NR2C2: variants seen among roughly 807,000 people sequenced by gnomAD.
NR2C2 encodes the protein nuclear receptor subfamily 2 group C member 2.
A neutral mutation model predicts 62.9 loss-of-function variants in NR2C2; 6 were observed. The observed-to-expected ratio is 0.10, with a 90% confidence interval of 0.05 to 0.19. The LOEUF is 0.19. Among genes scored for constraint, NR2C2 ranks in the 10% least tolerant of loss-of-function variants. The pLI is 1.00. For missense variants in NR2C2, 479 were observed against 762.7 expected, an observed-to-expected ratio of 0.63 and a Z score of 4.38; for synonymous variants, 272 against 273.8, an observed-to-expected ratio of 0.99 and a Z score of 0.07.
chr3:14,947,804 G>T lies in NR2C2; in HGVS notation c.-142G>T. ...GGCCCCCGGGCTCCCGCCATCCGCC[G>T]ACACCGGGAGCCCGGGCTCCCCGCG... On this transcript the variant is annotated 5_prime_UTR_variant, in exon 1 of 14. Coordinates refer to ENST00000425241, the MANE Select transcript of NR2C2 (RefSeq NM_001291694.2). 6.8e-6 allele frequency: 1 copy of T among 147,992 alleles called. No individual in the cohort carries two copies. Among genetic ancestry groups the T allele is most frequent in the South Asian group, 2.2e-4 (1 of 4,646 alleles). The allele number at this position is 147,992 out of a possible 1,614,324, so 9.2% of individuals were successfully genotyped here.
Position 15,039,113 on chromosome 3 carries a change from T to C in NR2C2, c.1511-9T>C. 1.2e-6 allele frequency: 2 copies of C among 1,609,148 alleles called. No individual in the cohort carries two copies. Among genetic ancestry groups the C allele is most frequent in the Non-Finnish European group, 1.7e-6 (2 of 1,175,592 alleles). Reference sequence around the variant, plus strand: ...AGGGAACTGGGGGGGGGTACTTTTCTGTTTTCAGATCATCCAGGTTTGACC... The same window carrying C: ...AGGGAACTGGGGGGGGGTACTTTTCCGTTTTCAGATCATCCAGGTTTGACC... On this transcript the variant is annotated splice_polypyrimidine_tract_variant and intron_variant, in intron 12 of 13. Coordinates refer to ENST00000425241, the MANE Select transcript of NR2C2 (RefSeq NM_001291694.2).
chr3:14,994,663 A>C (rs931700732), intron 1 of NR2C2, among the ~76,000 whole-genome samples: 13 of 151,124 alleles, frequency 8.6e-5, no homozygotes, highest in Non-Finnish European at 1.8e-4. Context: ...GGATGGTCTC[A>C]ATCTGTTGAC....
chr3:15,028,514 A>G, intron 7 of NR2C2, 72 bp from the exon 8 acceptor site: 1 of 1,493,736 alleles, frequency 6.7e-7, no homozygotes, highest in South Asian at 1.2e-5. Flanking sequence ...AACCAGCATT[A>G]TAACTTCATT....
Position 14,955,893 on chromosome 3 carries a change from A to C in NR2C2, c.-40+7987A>C, listed in dbSNP as rs556389918. On this transcript the variant is annotated intron_variant, in intron 1 of 13. Transcript: ENST00000425241. Reference sequence around the variant, plus strand: ...GTAGAACTGCTCTGATACTATAAATATGTAAGAACTTCATTTATGTGAAAG... The same window carrying C: ...GTAGAACTGCTCTGATACTATAAATCTGTAAGAACTTCATTTATGTGAAAG... 1.4e-3 allele frequency among the ~76,000 whole-genome samples: 214 copies of C among 152,322 alleles called. 1 individual carries two copies. The highest frequency in any genetic ancestry group is 5.0e-3 in the African/African-American group (207 of 41,572).
intron 1 of NR2C2, among the ~76,000 whole-genome samples, chr3:14,952,117 A>G (rs1039527562): frequency 4.6e-5 from 7 of 152,218 alleles, no homozygotes; most frequent in African/African-American, 1.7e-4. Flanking sequence ...AGCTTGGGCT[A>G]TGAAGGCAGA....
intron 2 of NR2C2, among the ~76,000 whole-genome samples, chr3:15,008,354 T>C (rs988775524): frequency 3.3e-5 from 5 of 151,786 alleles, no homozygotes; most frequent in Admixed American, 2.6e-4. Context: ...AGACGTCATC[T>C]CTATAAAAAA....
intron 1 of NR2C2, among the ~76,000 whole-genome samples, chr3:14,966,925 A>G (rs565588585): frequency 1.3e-5 from 2 of 152,354 alleles, no homozygotes; most frequent in Non-Finnish European, 2.9e-5. Context: ...GAAATTGTTT[A>G]TAAAGAATTG....
intron 1 of NR2C2, among the ~76,000 whole-genome samples, chr3:14,988,564 C>A (rs1419737307): frequency 6.6e-6 from 1 of 152,236 alleles, no homozygotes; most frequent in Non-Finnish European, 1.5e-5. Flanking sequence ...AGTCTTGGAA[C>A]TTTTTGCTTC....
intron 1 of NR2C2, among the ~76,000 whole-genome samples, chr3:14,977,149 G>A (rs926547873): frequency 5.9e-5 from 9 of 151,728 alleles, no homozygotes; most frequent in Non-Finnish European, 1.2e-4. Flanking sequence ...ATTTCCTCTC[G>A]TTTTCTCTTG....
rs1202809900 is a variant in NR2C2, at chr3:15,016,207, G to A, written c.329G>A (p.Arg110Gln). 2.0e-5 allele frequency: 32 copies of A among 1,613,988 alleles called. No individual in the cohort carries two copies. Among genetic ancestry groups the A allele is most frequent in the East Asian group, 6.7e-5 (3 of 44,900 alleles). ...ERLLGKTDVQRPQVVEYCVVC... is the reference protein window; with the variant it reads ...ERLLGKTDVQQPQVVEYCVVC... ...TTACTGGGGAAGACGGACGTCCAGC[G>A]GCCCCAGGTGGTAGAGTACTGTGTG... is the stretch of plus-strand genomic sequence containing the variant. Residue 110 changes from arginine to glutamine, a missense_variant, in exon 4 of 14, where the codon CGG (arginine) becomes CAG (glutamine). This residue lies in a region of NR2C2 where 115 missense variants were observed against 152.3 expected (regional missense o/e 0.76). Transcript: ENST00000425241.
At chr3:14,987,194 C>T (rs2125350756) in intron 1 of NR2C2, among the ~76,000 whole-genome samples, 1 of 152,268 alleles carries the variant, frequency 6.6e-6, no homozygotes, top group East Asian at 1.9e-4. Flanking sequence ...GCAATCCTCC[C>T]ACCTCAGCCT....
intron 1 of NR2C2, among the ~76,000 whole-genome samples, chr3:14,973,292 CAT>C (rs1181969908): frequency 6.6e-6 from 1 of 152,054 alleles, no homozygotes; most frequent in Non-Finnish European, 1.5e-5. Context: ...TTGGCACAAA[CAT>C]AGCTTAATCC....
chr3:15,030,332 C>CTTG lies in NR2C2; in HGVS notation c.991_993dup (p.Leu331dup). On this transcript the variant is annotated inframe_insertion, in exon 9 of 14. Coordinates refer to ENST00000425241, the MANE Select transcript of NR2C2 (RefSeq NM_001291694.2). ...CCACAGACAGCTCCTCTTCTCCAAG[C>CTTG]TTGGCAGATGGGATAGACACCAGTG... 1 of 1,613,226 alleles carries CTTG rather than the reference C, an allele frequency of 6.2e-7. No individual in the cohort carries two copies. Among genetic ancestry groups the CTTG allele is most frequent in the Non-Finnish European group, 8.5e-7 (1 of 1,179,752 alleles).
intron 1 of NR2C2, among the ~76,000 whole-genome samples, chr3:14,951,898 C>T (rs993540857): frequency 6.6e-6 from 1 of 152,128 alleles, no homozygotes; most frequent in African/African-American, 2.4e-5. Context: ...CAGGTGCCCG[C>T]CACCACGCCT....
intron 4 of NR2C2, among the ~76,000 whole-genome samples, chr3:15,018,830 A>G (rs2041587313): frequency 1.3e-5 from 2 of 152,166 alleles, no homozygotes; most frequent in South Asian, 2.1e-4. Flanking sequence ...TAGCCTGGCC[A>G]ACATGGTAAA....
rs760165091 is a variant in NR2C2, at chr3:15,020,850, C to G, written c.474C>G (p.Asp158Glu). Residue 158 changes from aspartate (D) to glutamate (E), a missense_variant, in exon 5 of 14, where the codon GAC becomes GAG. By Grantham distance (45) the Asp-to-Glu change is conservative. This residue lies in a region of NR2C2 where 51 missense variants were observed against 137.5 expected (regional missense o/e 0.37). Coordinates refer to ENST00000425241, the MANE Select transcript of NR2C2 (RefSeq NM_001291694.2). ...CCTACAGCTGCCGGAGCAACCAAGA[C>G]TGCATCATCAATAAACATCACCGGA... is the stretch of plus-strand genomic sequence containing the variant. The part of the protein sequence containing the change: ...NLTYSCRSNQ[D>E]CIINKHHRNR... 6.2e-7 allele frequency: 1 copy of G among 1,614,202 alleles called. No homozygotes were observed. The highest frequency in any genetic ancestry group is 8.5e-7 in the Non-Finnish European group (1 of 1,180,038).
At chr3:14,980,099 G>T (rs1307658337) in intron 1 of NR2C2, among the ~76,000 whole-genome samples, 1 of 151,932 alleles carries the variant, frequency 6.6e-6, no homozygotes, top group African/African-American at 2.4e-5. Flanking sequence ...TGGCTTCCTT[G>T]GTTTTATACC....
intron 2 of NR2C2, among the ~76,000 whole-genome samples, chr3:15,005,189 A>C (rs1366224072): frequency 6.6e-6 from 1 of 150,554 alleles, no homozygotes; most frequent in Non-Finnish European, 1.5e-5. Context: ...ATGTTTTGAC[A>C]TTTTTTCTTT....
At chr3:14,969,068 A>G (rs1001988682) in intron 1 of NR2C2, among the ~76,000 whole-genome samples, 1 of 150,366 alleles carries the variant, frequency 6.7e-6, no homozygotes, top group African/African-American at 2.5e-5. Flanking sequence ...GCGCACCAGC[A>G]TGGCACATGT....
Sources: gnomAD v4.1 joint callset for allele counts (sites outside exome capture counted in the v4.1 genomes callset) on GRCh38, gnomAD v4.1.1 for gene constraint, gnomAD v4.1.1 regional missense constraint, MANE v1.5 for transcripts, NCBI Gene and HGNC (gene_info 2026-07-23, HGNC 2026-07-21) for gene names.